The following POPDC3 variants were observed in gnomAD, a reference collection of about 807,000 sequenced individuals.
POPDC3 encodes popeye domain cAMP effector 3.
A neutral mutation model predicts 28.2 loss-of-function variants in POPDC3; 20 were observed. The ratio of observed to expected loss-of-function variants is 0.71; its 90% CI spans 0.50 to 1.03. The LOEUF is 1.03. Ranked by LOEUF, POPDC3 falls within the 50% of genes least tolerant of loss-of-function variation. POPDC3 has a pLI of 0.00. For missense variants in POPDC3, 316 were observed against 345.9 expected, an observed-to-expected ratio of 0.91 and a Z score of 0.69; for synonymous variants, 118 against 124.1, an observed-to-expected ratio of 0.95 and a Z score of 0.33.
chr6:105,169,967 T>G (rs1341138283), intron 1 of POPDC3: 1 of 152,224 alleles, frequency 6.6e-6, no homozygotes, highest in Non-Finnish European at 1.5e-5. Context: ...CTTATTTTCT[T>G]TCTTCAGTTT....
At chr6:105,174,617 CTG>C (rs1158041743) in intron 1 of POPDC3, among the ~76,000 whole-genome samples, 2 of 152,170 alleles carry the variant, frequency 1.3e-5, no homozygotes, top group Non-Finnish European at 2.9e-5. Context: ...AGCATACTGA[CTG>C]TGTATTGTCT....
chr6:105,165,202 G>A (rs146946977), intron 1 of POPDC3, among the ~76,000 whole-genome samples: 73 of 152,306 alleles, frequency 4.8e-4, no homozygotes, highest in African/African-American at 1.6e-3. Context: ...AAATATTAAT[G>A]TTTTGGGGAA....
At chr6:105,165,832 T>C (rs532898507) in intron 1 of POPDC3, among the ~76,000 whole-genome samples, 22 of 152,358 alleles carry the variant, frequency 1.4e-4, no homozygotes, top group Admixed American at 1.4e-3. Context: ...TTCTACTCAT[T>C]AATTGGGATC....
chr6:105,157,952 C>T lies in POPDC3; in HGVS notation c.*518G>A, dbSNP rs1774219281. On this transcript the variant is annotated 3_prime_UTR_variant, in exon 4 of 4. Coordinates refer to ENST00000254765, the MANE Select transcript of POPDC3 (RefSeq NM_022361.5). ...GCAATAAAATAGGCTTCAAGATTCA[C>T]ATATTATTATCTCTTGCATTTATTC... Among the ~76,000 whole-genome samples the T allele has an allele frequency of 6.6e-6, 1 of 152,330 alleles. No homozygotes were observed. The highest frequency in any genetic ancestry group is 1.9e-4 in the East Asian group (1 of 5,190).
intron 1 of POPDC3, among the ~76,000 whole-genome samples, chr6:105,163,104 G>T (rs1282457027): frequency 1.3e-5 from 2 of 152,106 alleles, no homozygotes; most frequent in Non-Finnish European, 2.9e-5. Context: ...ATAATTAGAA[G>T]TCACATTCTA....
Position 105,161,746 on chromosome 6 carries a change from C to T in POPDC3, c.164G>A (p.Ser55Asn), listed in dbSNP as rs1360491234. Reference sequence around the variant, plus strand: ...ACAGAGAAAACCCAACCCCAGCAAACTGAAGACATAAAGGAGCCCGAAGAA... The same window carrying T: ...ACAGAGAAAACCCAACCCCAGCAAATTGAAGACATAAAGGAGCCCGAAGAA... ...SGFFGLLYVF[S>N]LLGLGFLCSA... The change falls in exon 2 of 4, where the codon AGT becomes AAT. Residue 55 changes from serine (S) to asparagine (N), a missense_variant. Ser to Asn is a conservative substitution (Grantham distance 46). Coordinates refer to ENST00000254765, the MANE Select transcript of POPDC3 (RefSeq NM_022361.5). The T allele has an allele frequency of 6.2e-7, 1 of 1,614,192 alleles. No homozygotes were observed. The highest frequency in any genetic ancestry group is 2.2e-5 in the East Asian group (1 of 44,890).
At position 105,175,785 on chromosome 6, in the gene POPDC3, T is replaced by G. The variant is rs1028843940; in HGVS notation, c.-252+4048A>C. Among the ~76,000 whole-genome samples the G allele has an allele frequency of 2.6e-5, 4 of 152,134 alleles. No homozygotes were observed. The East Asian group carries it at 7.7e-4, about 29-fold the overall frequency. ...TGAATCCAGGAGGCGGAGGTTGCAG[T>G]GAGCTAAGATCGCACCACTGCACTC... On this transcript the variant is annotated intron_variant, in intron 1 of 3. Transcript: ENST00000254765.
intron 1 of POPDC3, among the ~76,000 whole-genome samples, chr6:105,174,763 T>G (rs913218328): frequency 1.3e-5 from 2 of 152,186 alleles, no homozygotes; most frequent in African/African-American, 4.8e-5. Context: ...ACAGACACAC[T>G]GACAAAATCT....
intron 1 of POPDC3, among the ~76,000 whole-genome samples, chr6:105,167,664 T>C (rs907358608): frequency 6.6e-6 from 1 of 151,498 alleles, no homozygotes; most frequent in African/African-American, 2.4e-5. Context: ...GGAGAATTGC[T>C]TGAACCTGGG....
chr6:105,165,073 A>G (rs563967246), intron 1 of POPDC3, among the ~76,000 whole-genome samples: 7 of 152,368 alleles, frequency 4.6e-5, no homozygotes, highest in African/African-American at 1.7e-4. Flanking sequence ...AAAGAAGGGC[A>G]CAGATTGGTT....
Position 105,158,253 on chromosome 6 carries a change from C to T in POPDC3, c.*217G>A. 3 of 489,512 alleles carry T rather than the reference C, an allele frequency of 6.1e-6. No individual in the cohort carries two copies. Among genetic ancestry groups the T allele is most frequent in the Non-Finnish European group, 1.1e-5 (3 of 278,766 alleles). 30.3% of individuals were successfully genotyped at this position (489,512 alleles called of 1,614,324 possible). On this transcript the variant is annotated 3_prime_UTR_variant, in exon 4 of 4. Coordinates refer to ENST00000254765, the MANE Select transcript of POPDC3 (RefSeq NM_022361.5). ...GGGCAAACTGCCCATAGTTATCCACCCCCTCCCCAATTATAACAATGAGAA... is the reference window on the plus strand; with the variant it reads ...GGGCAAACTGCCCATAGTTATCCACTCCCTCCCCAATTATAACAATGAGAA...
In POPDC3 at chr6:105,159,740, G is replaced by C; in HGVS notation, c.565C>G (p.Leu189Val). ...QFLDSPEWDSLRPTEEGIFQV... is the reference protein window; with the variant it reads ...QFLDSPEWDSVRPTEEGIFQV... ...AAAATGCCTTCCTCTGTGGGTCTCA[G>C]TGAATCCCACTCAGGAGAATCCAGG... Residue 189 changes from leucine to valine, a missense_variant, in exon 3 of 4, where the codon CTG (leucine) becomes GTG (valine). By Grantham distance (32) the Leu-to-Val change is conservative. Transcript: ENST00000254765. The C allele has an allele frequency of 1.2e-6, 2 of 1,612,854 alleles. No individual in the cohort carries two copies. Among genetic ancestry groups the C allele is most frequent in the Non-Finnish European group, 1.7e-6 (2 of 1,178,980 alleles).
At chr6:105,176,559 A>C (rs1309570151) in intron 1 of POPDC3, among the ~76,000 whole-genome samples, 1 of 77,828 alleles carries the variant, frequency 1.3e-5, no homozygotes, top group Non-Finnish European at 3.7e-5. Flanking sequence ...ATCTTTTGAC[A>C]TATCGTTTTT....
chr6:105,176,446 AAGTT>A (rs1182809868), intron 1 of POPDC3, among the ~76,000 whole-genome samples: 1 of 152,210 alleles, frequency 6.6e-6, no homozygotes, highest in Non-Finnish European at 1.5e-5. Flanking sequence ...TTTATGTACA[AAGTT>A]AGTTTTTCAC....
chr6:105,166,868 T>TTTTG (rs1491090109), intron 1 of POPDC3, among the ~76,000 whole-genome samples: 5 of 148,948 alleles, frequency 3.4e-5, no homozygotes, highest in African/African-American at 1.2e-4. Flanking sequence ...ACATAGATGG[T>TTTTG]TGTGTGTGTG....
intron 3 of POPDC3, chr6:105,159,157 T>C (rs1774264699): frequency 6.2e-6 from 1 of 161,792 alleles, no homozygotes; most frequent in Non-Finnish European, 1.3e-5. Flanking sequence ...CTAATTTGCA[T>C]ACATATTTGA....
intron 1 of POPDC3, among the ~76,000 whole-genome samples, chr6:105,170,831 A>G (rs533592300): frequency 6.6e-5 from 10 of 152,350 alleles, no homozygotes; most frequent in African/African-American, 2.4e-4. Context: ...AAACAATAGC[A>G]CAGTTACATC....
chr6:105,178,325 G>GT (rs1017215217), intron 1 of POPDC3, among the ~76,000 whole-genome samples: 14 of 152,148 alleles, frequency 9.2e-5, no homozygotes, highest in African/African-American at 3.4e-4. Context: ...TGTGTCAACC[G>GT]TATTAGTCAG....
chr6:105,179,004 G>A, intron 1 of POPDC3: 5 of 985,368 alleles, frequency 5.1e-6, no homozygotes, highest in Non-Finnish European at 6.0e-6. Flanking sequence ...CCAAAAGTGG[G>A]CTTCTAATTC....
Sources: allele counts gnomAD v4.1 joint callset (sites outside exome capture counted in the v4.1 genomes callset), GRCh38; gene constraint gnomAD v4.1.1; transcripts MANE v1.5; gene names NCBI Gene and HGNC (gene_info 2026-07-23, HGNC 2026-07-21).